The following MDH1 variants were observed in gnomAD, a reference collection of about 807,000 sequenced individuals.
MDH1 encodes malate dehydrogenase 1.
In MDH1, 15 loss-of-function variants were observed where a neutral mutation model predicts 38.7. That is an observed-to-expected ratio of 0.39 (90% CI 0.26 to 0.60). The LOEUF is 0.60. Among genes scored for constraint, MDH1 ranks in the 20% least tolerant of loss-of-function variants. The pLI, the probability that MDH1 is intolerant of heterozygous loss-of-function variation, is 0.56. For synonymous variants in MDH1, 144 were observed against 143.6 expected, an observed-to-expected ratio of 1.00 and a Z score of -0.02; for missense variants, 368 against 405.2, an observed-to-expected ratio of 0.91 and a Z score of 0.79.
rs771494543 is a variant in MDH1 at position 63,605,925 on chromosome 2, A to G, written c.790-14A>G. 5 of 1,607,058 alleles carry G rather than the reference A, an allele frequency of 3.1e-6. No individual in the cohort carries two copies. The East Asian group carries it at 1.1e-4, about 36-fold the overall frequency. ...ACTAATCATCATGAGTATGTGAAAC[A>G]TTGTTATTTTCAGGGAGAGTTTGTG... is the stretch of plus-strand genomic sequence containing the variant. On this transcript the variant is annotated splice_polypyrimidine_tract_variant and intron_variant, in intron 7 of 8. Transcript: ENST00000233114.
intron 4 of MDH1, 147 bp from the exon 5 acceptor site, chr2:63,599,023 G>T: frequency 1.9e-6 from 1 of 529,484 alleles, no homozygotes; most frequent in Non-Finnish European, 3.1e-6. Context: ...AACTTAAAAT[G>T]CATTTTCCTA....
At chr2:63,589,125 T>C in intron 1 of MDH1, 79 bp downstream of exon 1, 1 of 1,614,076 alleles carries the variant, frequency 6.2e-7, no homozygotes, top group Middle Eastern at 1.6e-4. Flanking sequence ...TAGGGACTTT[T>C]GGGAGGCAGC....
intron 1 of MDH1, chr2:63,589,431 C>T (rs1709108786): frequency 1.3e-6 from 2 of 1,516,670 alleles, no homozygotes; most frequent in Non-Finnish European, 1.8e-6. Context: ...TTTTTCTCCT[C>T]ATTTGCCCAC....
At chr2:63,593,732 C>T (rs748744673) in intron 1 of MDH1, 18 of 469,240 alleles carry the variant, frequency 3.8e-5, no homozygotes, top group African/African-American at 6.0e-5. Flanking sequence ...CTACCCATTA[C>T]GTTTCTAAAC....
intron 1 of MDH1, 106 bp from the exon 2 acceptor site, chr2:63,594,382 T>C (rs1709261926): frequency 1.1e-6 from 1 of 901,810 alleles, no homozygotes; most frequent in Admixed American, 1.7e-5. Flanking sequence ...TTTAAAATTT[T>C]ACATTCACTT....
In MDH1 at chr2:63,597,585, C is replaced by A; in HGVS notation, c.375+11C>A. 1.5e-6 allele frequency: 2 copies of A among 1,358,776 alleles called. No homozygotes were observed. Among genetic ancestry groups the A allele is most frequent in the South Asian group, 2.2e-5 (1 of 45,026 alleles). The allele number at this position is 1,358,776 out of a possible 1,614,324, so 84.2% of individuals were successfully genotyped here. On this transcript the variant is annotated intron_variant, in intron 4 of 8. Transcript: ENST00000233114. ...AAGAAGTCAGTTAAGGTGACCAATGCTGTATTTTATGGGATTTTTCATTAT... is the reference window on the plus strand; with the variant it reads ...AAGAAGTCAGTTAAGGTGACCAATGATGTATTTTATGGGATTTTTCATTAT...
chr2:63,598,332 TTG>T (rs1480007363), intron 4 of MDH1: 3 of 152,200 alleles, frequency 2.0e-5, no homozygotes, highest in African/African-American at 7.2e-5. Context: ...TTTCACCATG[TTG>T]GCCAGGCTGG....
At chr2:63,594,960 G>A (rs188696371) in intron 2 of MDH1, 144 of 245,698 alleles carry the variant, frequency 5.9e-4, no homozygotes, top group African/African-American at 2.8e-3. Flanking sequence ...CTGCTTCCCC[G>A]CTGAAGCAGG....
intron 2 of MDH1, among the ~76,000 whole-genome samples, chr2:63,595,144 T>C (rs1223006622): frequency 2.0e-5 from 3 of 152,240 alleles, no homozygotes; most frequent in Non-Finnish European, 2.9e-5. Context: ...GAGCAAGCTA[T>C]AGCATGTCAC....
At chr2:63,597,698 C>T (rs548480319) in intron 4 of MDH1, 124 bp downstream of exon 4, 135 of 843,964 alleles carry the variant, frequency 1.6e-4, no homozygotes, top group Non-Finnish European at 2.0e-4. Flanking sequence ...TCAGTAAATA[C>T]GGCTCTAGAG....
chr2:63,597,817 T>G (rs1709346691), intron 4 of MDH1: 1 of 276,874 alleles, frequency 3.6e-6, no homozygotes, highest in African/African-American at 2.2e-5. Context: ...AAATTTAGTA[T>G]TAGTTCTTAA....
intron 5 of MDH1, among the ~76,000 whole-genome samples, chr2:63,602,079 T>C (rs1246195609): frequency 6.6e-6 from 1 of 152,222 alleles, no homozygotes; most frequent in Non-Finnish European, 1.5e-5. Context: ...ATATTGTAGA[T>C]AATAGTCCTA....
intron 5 of MDH1, among the ~76,000 whole-genome samples, chr2:63,602,564 CTG>C (rs1003228533): frequency 1.3e-5 from 2 of 151,940 alleles, no homozygotes; most frequent in Non-Finnish European, 2.9e-5. Flanking sequence ...TTATTTTTTT[CTG>C]TGTCTTTATG....
rs1340279405 is a variant in MDH1, at chr2:63,589,830, T to G, written c.3+784T>G. 2.8e-5 allele frequency: 6 copies of G among 213,072 alleles called. No homozygotes were observed. In the East Asian group the frequency reaches 6.2e-4, roughly 22 times the overall value. 13.2% of individuals were successfully genotyped at this position (213,072 alleles called of 1,614,324 possible). A position where few individuals can be genotyped will look rare whatever the true frequency, so the allele number is the denominator to read the frequency against. On this transcript the variant is annotated intron_variant, in intron 1 of 8. Transcript: ENST00000233114. ...AAGGAACTCTGGCGTAGGAATAATC[T>G]GCGTACTGCTTGAAGGTGACATTTG... is the stretch of plus-strand genomic sequence containing the variant.
rs189916776 is a variant in MDH1, at chr2:63,592,684, A to T, written c.4-1804A>T. 5.2e-3 allele frequency among the ~76,000 whole-genome samples: 796 copies of T among 152,352 alleles called. 4 individuals carry two copies. Among genetic ancestry groups the T allele is most frequent in the Middle Eastern group, 0.014 (4 of 294 alleles). ...TTAAATAAATAAAATATCTTAAAAA[A>T]TTTTTTAAAGCACGTTACATATGTT... On this transcript the variant is annotated intron_variant, in intron 1 of 8. Transcript: ENST00000233114.
At chr2:63,600,222 G>A (rs945777039) in intron 5 of MDH1, among the ~76,000 whole-genome samples, 6 of 152,200 alleles carry the variant, frequency 3.9e-5, no homozygotes, top group Admixed American at 1.3e-4. Context: ...AAAGAGAAAA[G>A]AATATACATT....
intron 1 of MDH1, 70 bp downstream of exon 1, chr2:63,589,116 A>G: frequency 6.2e-7 from 1 of 1,614,030 alleles, no homozygotes; most frequent in Admixed American, 1.7e-5. Flanking sequence ...CTTGCACTTT[A>G]GGGACTTTTG....
intron 5 of MDH1, among the ~76,000 whole-genome samples, chr2:63,601,209 A>C (rs938040470): frequency 1.3e-5 from 2 of 152,220 alleles, no homozygotes; most frequent in African/African-American, 2.4e-5. Context: ...GTCATTGAAG[A>C]AGCACTTTCT....
At chr2:63,605,184 G>T in intron 6 of MDH1, 96 bp from the exon 7 acceptor site, 1 of 803,864 alleles carries the variant, frequency 1.2e-6, no homozygotes, top group Non-Finnish European at 2.1e-6. Context: ...ATTAAGCTCT[G>T]GTCATAGCTT....
Sources: gnomAD v4.1 joint callset for allele counts (sites outside exome capture counted in the v4.1 genomes callset) on GRCh38, gnomAD v4.1.1 for gene constraint, MANE v1.5 for transcripts, NCBI Gene and HGNC (gene_info 2026-07-23, HGNC 2026-07-21) for gene names.